SGCD: variants seen among roughly 807,000 people sequenced by gnomAD.
The protein encoded by SGCD is sarcoglycan delta.
Under a neutral mutation model 36.6 loss-of-function variants are expected in SGCD, and 18 were observed. The observed-to-expected ratio is 0.49, with a 90% CI of 0.34 to 0.73. SGCD has a LOEUF of 0.73. SGCD is among the 30% of genes least tolerant of loss of function. The pLI, the probability that SGCD is intolerant of heterozygous loss-of-function variation, is 0.01. For missense variants in SGCD, 387 were observed against 346.7 expected, an observed-to-expected ratio of 1.12 and a Z score of -0.92; for synonymous variants, 133 against 130.6, an observed-to-expected ratio of 1.02 and a Z score of -0.12.
At chr5:156,461,546 A>G (rs1754489509) in intron 3 of SGCD, among the ~76,000 whole-genome samples, 1 of 152,278 alleles carries the variant, frequency 6.6e-6, no homozygotes, top group South Asian at 2.1e-4. Context: ...CTTTCAGGCT[A>G]TAAATTAGTT....
At chr5:156,332,834 C>T (rs1349564439) in intron 2 of SGCD, among the ~76,000 whole-genome samples, 1 of 152,158 alleles carries the variant, frequency 6.6e-6, no homozygotes, top group Admixed American at 6.5e-5. Context: ...AGAGAATTTT[C>T]TCGGGTGATA....
At chr5:156,681,343 C>T (rs32078) in intron 7 of SGCD, among the ~76,000 whole-genome samples, 119,250 of 152,038 alleles carry the variant, frequency 0.78, 47,553 homozygotes, top group South Asian at 0.89. Context: ...TGAAGTTAGC[C>T]ACAACTGTCC....
intron 6 of SGCD, among the ~76,000 whole-genome samples, chr5:156,607,721 G>T (rs1294145865): frequency 1.3e-5 from 2 of 151,770 alleles, no homozygotes; most frequent in Non-Finnish European, 2.9e-5. Context: ...CCTCATTTCA[G>T]AGCCTGTTAT....
At chr5:155,947,427 G>T (rs375933126) in intron 1 of SGCD, among the ~76,000 whole-genome samples, 1 of 151,368 alleles carries the variant, frequency 6.6e-6, no homozygotes, top group East Asian at 1.9e-4. Flanking sequence ...AAAAAAGATG[G>T]AACTTTTTTG....
intron 3 of SGCD, among the ~76,000 whole-genome samples, chr5:156,440,804 C>T (rs745787050): frequency 3.9e-5 from 6 of 152,060 alleles, no homozygotes; most frequent in Non-Finnish European, 5.9e-5. Context: ...TTTTTAAAAT[C>T]AGTTTGCCTT....
chr5:156,723,848 C>T (rs988684845), intron 7 of SGCD, among the ~76,000 whole-genome samples: 1 of 75,724 alleles, frequency 1.3e-5, no homozygotes, highest in South Asian at 7.0e-4. Flanking sequence ...TGTTTTAAGC[C>T]AAGTGTGTGT....
At chr5:156,616,936 C>G (rs929304134) in intron 6 of SGCD, among the ~76,000 whole-genome samples, 9 of 152,132 alleles carry the variant, frequency 5.9e-5, no homozygotes, top group African/African-American at 1.9e-4. Context: ...GATCATATGG[C>G]CCAGAAAGAC....
chr5:156,502,930 T>A (rs1031649610), intron 3 of SGCD, among the ~76,000 whole-genome samples: 6 of 152,210 alleles, frequency 3.9e-5, no homozygotes, highest in Admixed American at 3.9e-4. Context: ...TCACACTATT[T>A]GATAGACCTT....
chr5:156,612,068 A>G (rs1202241501), intron 6 of SGCD, among the ~76,000 whole-genome samples: 3 of 152,140 alleles, frequency 2.0e-5, no homozygotes, highest in Non-Finnish European at 4.4e-5. Context: ...GGAATTCTAT[A>G]CATTTTATTT....
intron 1 of SGCD, among the ~76,000 whole-genome samples, chr5:156,055,922 A>T (rs1241779179): frequency 6.8e-6 from 1 of 146,358 alleles, no homozygotes; most frequent in Non-Finnish European, 1.5e-5. Context: ...AACAGCCCTG[A>T]CTTCTAACGA....
intron 2 of SGCD, among the ~76,000 whole-genome samples, chr5:156,332,800 G>A (rs555235645): frequency 3.3e-5 from 5 of 152,278 alleles, no homozygotes; most frequent in Admixed American, 2.6e-4. Context: ...CTCTGGGGAA[G>A]GGAATTGATT....
At chr5:156,016,059 C>G (rs1056906371) in intron 1 of SGCD, among the ~76,000 whole-genome samples, 1 of 152,058 alleles carries the variant, frequency 6.6e-6, no homozygotes, top group Non-Finnish European at 1.5e-5. Flanking sequence ...TCAAATTTCA[C>G]AATTTCAATC....
intron 4 of SGCD, among the ~76,000 whole-genome samples, chr5:156,568,010 T>C (rs1470557049): frequency 6.6e-6 from 1 of 152,214 alleles, no homozygotes; most frequent in Non-Finnish European, 1.5e-5. Flanking sequence ...CTTTTATTTA[T>C]TTTGAATGGA....
At chr5:156,201,721 GT>G (rs34180440) in intron 3 of SGCD, among the ~76,000 whole-genome samples, 41,205 of 147,866 alleles carry the variant, frequency 0.28, 6,085 homozygotes, top group Non-Finnish European at 0.34. Context: ...TAATTCCCTA[GT>G]TTTTTTTTTT....
At chr5:156,564,100 G>A (rs566310995) in intron 4 of SGCD, among the ~76,000 whole-genome samples, 3 of 152,166 alleles carry the variant, frequency 2.0e-5, no homozygotes, top group African/African-American at 7.2e-5. Context: ...ATAAACAATT[G>A]TATCAAAACA....
intron 3 of SGCD, among the ~76,000 whole-genome samples, chr5:156,139,944 C>G (rs900313145): frequency 2.6e-5 from 4 of 152,164 alleles, no homozygotes; most frequent in Non-Finnish European, 4.4e-5. Context: ...AGGAAGTGCT[C>G]TCTGTCATTT....
chr5:155,742,559 G>GA, the SGCD span, among the ~76,000 whole-genome samples: 8 of 152,142 alleles, frequency 5.3e-5, no homozygotes, highest in Admixed American at 3.9e-4. Context: ...TTTGAGGTAG[G>GA]AAAAAAGCAA....
chr5:156,246,643 A>G (rs1037305129), intron 3 of SGCD, among the ~76,000 whole-genome samples: 3 of 152,210 alleles, frequency 2.0e-5, no homozygotes, highest in African/African-American at 7.2e-5. Context: ...TTTTAAAACC[A>G]TGTGCAGAAT....
chr5:155,906,997 C>A (rs1756529930), intron 1 of SGCD, among the ~76,000 whole-genome samples: 1 of 152,050 alleles, frequency 6.6e-6, no homozygotes, highest in South Asian at 2.1e-4. Flanking sequence ...CTTCACAGGG[C>A]AGGTTGATTC....
Sources: allele counts gnomAD v4.1 joint callset (sites outside exome capture counted in the v4.1 genomes callset), GRCh38; gene constraint gnomAD v4.1.1; transcripts MANE v1.5; gene names NCBI Gene and HGNC (gene_info 2026-07-23, HGNC 2026-07-21).